Variants in THAP4 observed in about 807,000 individuals in gnomAD.
THAP4 encodes THAP domain containing 4.
THAP4 carries 18 observed loss-of-function variants against 48.1 expected under a neutral mutation model. That is an observed-to-expected ratio of 0.37 (90% confidence interval 0.26 to 0.56). THAP4 has a LOEUF of 0.56. Among genes scored for constraint, THAP4 ranks in the 20% least tolerant of loss-of-function variants. THAP4 has a pLI of 0.78. For synonymous variants in THAP4, 345 were observed against 324.9 expected (o/e 1.06, Z -0.66); for missense variants, 656 against 774.9 (o/e 0.85, Z 1.82).
rs1178589094 is a variant in THAP4, at chr2:241,616,442, G to C, written c.1241-9969C>G. Among the ~76,000 whole-genome samples the C allele has an allele frequency of 2.6e-5, 4 of 152,182 alleles. No individual in the cohort carries two copies. The East Asian group carries it at 7.7e-4, about 29-fold the overall frequency. ...ACCTGAGCAGGGGGATGGTGTCCTG[G>C]TAAGAACAGGTAGGGAGAGGCTGCC... On this transcript the variant is annotated intron_variant, in intron 2 of 5. Coordinates refer to ENST00000407315, the MANE Select transcript of THAP4 (RefSeq NM_015963.6). The surrounding 1 kb of genome is among the most constrained non-coding windows in gnomAD (Gnocchi z 4.6).
upstream of THAP4, chr2:241,637,576 T>G: frequency 6.6e-7 from 1 of 1,511,272 alleles, no homozygotes; most frequent in Non-Finnish European, 8.8e-7. Flanking sequence ...GGCTCCCGCG[T>G]ATTTCCGCTC....
At chr2:241,590,322 T>A (rs71430350) in intron 5 of THAP4, among the ~76,000 whole-genome samples, 46 of 6,250 alleles carry the variant, frequency 7.4e-3, no homozygotes, top group South Asian at 0.015. Flanking sequence ...ACTAGGACAC[T>A]CAGAGCTGCC....
chr2:241,632,639 G>C (rs558469540), intron 2 of THAP4, among the ~76,000 whole-genome samples: 2 of 152,308 alleles, frequency 1.3e-5, no homozygotes, highest in South Asian at 4.1e-4. Flanking sequence ...ACTCTCCACG[G>C]AGGCGTTCAG....
intron 5 of THAP4, among the ~76,000 whole-genome samples, chr2:241,597,529 C>T (rs890468715): frequency 6.6e-6 from 1 of 152,222 alleles, no homozygotes; most frequent in Non-Finnish European, 1.5e-5. Context: ...ATGATAAACA[C>T]TGACTTTGTA....
Position 241,625,481 on chromosome 2 carries a change from CAAAAAAA to C in THAP4, c.1240+7429_1240+7435del, listed in dbSNP as rs67920958. On this transcript the variant is annotated intron_variant, in intron 2 of 5. Coordinates refer to ENST00000407315, the MANE Select transcript of THAP4 (RefSeq NM_015963.6). Reference sequence around the variant, plus strand: ...TGGGTGACAGAGTGAGACACTGTCTCAAAAAAAAAAAAAAAAAAGGAAAAAGGAAAAA... The same window carrying C: ...TGGGTGACAGAGTGAGACACTGTCTCAAAAAAAAAAAGGAAAAAGGAAAAA... Among the ~76,000 whole-genome samples, 507 of 88,460 alleles carry C rather than the reference CAAAAAAA, an allele frequency of 5.7e-3. 8 individuals are homozygous for C. The highest frequency in any genetic ancestry group is 0.048 in the Admixed American group (376 of 7,850). 58.0% of individuals were successfully genotyped at this position (88,460 alleles called of 152,430 possible). A position where few individuals can be genotyped will look rare whatever the true frequency, so the allele number is the denominator to read the frequency against.
At position 241,636,978 on chromosome 2, in the gene THAP4, G is replaced by T; in HGVS notation, c.40C>A (p.Gln14Lys). Residue 14 changes from glutamine to lysine, a missense_variant, in exon 1 of 6, where the codon CAG becomes AAG. By Grantham distance (53) the Gln-to-Lys change is moderately conservative. Transcript: ENST00000407315. ...CCAAVNCSNR[Q>K]GKGEKRAVSF... ...ACGGCGCGCTTCTCGCCCTTTCCCT[G>T]CCGGTTGGAGCAGTTCACGGCCGCA... is the stretch of plus-strand genomic sequence containing the variant. 7.5e-7 allele frequency: 1 copy of T among 1,326,952 alleles called. No homozygotes were observed. The highest frequency in any genetic ancestry group is 9.8e-7 in the Non-Finnish European group (1 of 1,015,486). The allele number at this position is 1,326,952 out of a possible 1,614,324, so 82.2% of individuals were successfully genotyped here. A position where few individuals can be genotyped will look rare whatever the true frequency, so the allele number is the denominator to read the frequency against.
chr2:241,637,362 C>G, upstream of THAP4: 1 of 1,360,822 alleles, frequency 7.3e-7, no homozygotes, highest in Non-Finnish European at 9.6e-7. Context: ...ACGTCCGTAC[C>G]GCAAGATGGC....
At chr2:241,625,819 A>AAAAAAAAAAAAAG (rs1559233376) in intron 2 of THAP4, among the ~76,000 whole-genome samples, 1 of 140,692 alleles carries the variant, frequency 7.1e-6, no homozygotes, top group African/African-American at 2.8e-5. Context: ...AAAAAAAAAA[A>AAAAAAAAAAAAAG]AAAAAGAAAA....
In THAP4 at chr2:241,633,483, C is replaced by T; in HGVS notation, c.674G>A (p.Gly225Glu). The T allele has an allele frequency of 1.2e-6, 2 of 1,614,068 alleles. No homozygotes were observed. Among genetic ancestry groups the T allele is most frequent in the Non-Finnish European group, 1.7e-6 (2 of 1,179,982 alleles). The change falls in exon 2 of 6, where the codon GGA (glycine) becomes GAA (glutamate). Residue 225 changes from glycine (G) to glutamate (E), a missense_variant. By Grantham distance (98) the Gly-to-Glu change is moderately conservative (BLOSUM62 -2). Around this residue, in one of 4 missense-constraint regions of THAP4, gnomAD observed 391 missense variants for 412.4 expected, o/e 0.95. Transcript: ENST00000407315. This position sits in a 1 kb window ranked among gnomAD's most constrained non-coding sequence, Gnocchi z 7.5. The part of the protein sequence containing the change: ...GISMDDFTPP[G>E]SGACKFIGSL... ...GCCGATAAATTTGCACGCCCCAGATCCTGGGGGCGTAAAGTCATCCATAGA... is the reference window on the plus strand; with the variant it reads ...GCCGATAAATTTGCACGCCCCAGATTCTGGGGGCGTAAAGTCATCCATAGA...
rs185853816 is a variant in THAP4, at chr2:241,601,785, T to C, written c.1614+111A>G. On this transcript the variant is annotated intron_variant, in intron 5 of 5. Coordinates refer to ENST00000407315, the MANE Select transcript of THAP4 (RefSeq NM_015963.6). This position sits in a 1 kb window ranked among gnomAD's most constrained non-coding sequence, Gnocchi z 4.0. ...AAGAAGGAGACAGTGAAGACAGGCC[T>C]GTGAGACACAGTGGCAAGACACGCA... is the stretch of plus-strand genomic sequence containing the variant. 38 of 1,546,816 alleles carry C rather than the reference T, an allele frequency of 2.5e-5. No homozygotes were observed. Among genetic ancestry groups the C allele is most frequent in the Non-Finnish European group, 3.2e-5 (37 of 1,141,572 alleles).
intron 2 of THAP4, among the ~76,000 whole-genome samples, chr2:241,618,826 GA>G (rs142245940): frequency 0.016 from 2,277 of 145,442 alleles, 49 homozygotes; most frequent in African/African-American, 0.054. Flanking sequence ...GAAAAGCCAA[GA>G]AAAAAAAAAA....
intron 4 of THAP4, among the ~76,000 whole-genome samples, chr2:241,602,752 G>A (rs966149531): frequency 6.6e-6 from 1 of 152,210 alleles, no homozygotes; most frequent in African/African-American, 2.4e-5. Context: ...TCATGGTCAG[G>A]GGGCTGCACG....
At chr2:241,604,050 T>C (rs543960648) in intron 3 of THAP4, among the ~76,000 whole-genome samples, 1 of 151,918 alleles carries the variant, frequency 6.6e-6, no homozygotes, top group African/African-American at 2.4e-5. Flanking sequence ...ACCAACCTTA[T>C]GAGTTTCTAT....
intron 2 of THAP4, among the ~76,000 whole-genome samples, chr2:241,625,531 T>A (rs1325292113): frequency 6.9e-6 from 1 of 145,268 alleles, no homozygotes; most frequent in African/African-American, 2.6e-5. Context: ...GGTGTGTGGA[T>A]CACGCCTGTA....
chr2:241,632,801 G>A, intron 2 of THAP4, 116 bp downstream of exon 2: 1 of 773,548 alleles, frequency 1.3e-6, no homozygotes, highest in Non-Finnish European at 2.0e-6. Flanking sequence ...GCTTCCTCCT[G>A]AGAGCGCAGG....
intron 2 of THAP4, among the ~76,000 whole-genome samples, chr2:241,623,347 A>T (rs1270605755): frequency 6.6e-6 from 1 of 152,198 alleles, no homozygotes; most frequent in Non-Finnish European, 1.5e-5. Flanking sequence ...TGGGAGGCTG[A>T]GCCAGGCAGA....
Position 241,617,338 on chromosome 2 carries a change from A to G in THAP4, c.1241-10865T>C. ...TATTGAAATCTCAACCAAAACACAA[A>G]AACAAAAATTTAAATTTCCTGCAAG... On this transcript the variant is annotated intron_variant, in intron 2 of 5. Coordinates refer to ENST00000407315, the MANE Select transcript of THAP4 (RefSeq NM_015963.6). The G allele has an allele frequency of 6.8e-6, 8 of 1,176,118 alleles. No homozygotes were observed. The South Asian group carries it at 9.7e-5, about 14-fold the overall frequency. The allele number at this position is 1,176,118 out of a possible 1,614,324, so 72.9% of individuals were successfully genotyped here.
At chr2:241,617,526 G>C in intron 2 of THAP4, 2 of 1,473,722 alleles carry the variant, frequency 1.4e-6, no homozygotes, top group Non-Finnish European at 1.8e-6. Context: ...GGAAGTGAAT[G>C]CTAACTTTAA....
chr2:241,602,992 G>A lies in THAP4; in HGVS notation c.1488C>T (p.Ala496=), dbSNP rs754263813. ...IRLKPDTNKV[A]FVSAQNTGVV... ...CACCTGTGTTCTGGGCGCTGACAAA[G>A]GCCACCTTGTTGGTGTCGGGCTTGA... The change falls in exon 4 of 6, where the codon GCC becomes GCT. Residue 496 remains alanine (A), a synonymous_variant. Coordinates refer to ENST00000407315, the MANE Select transcript of THAP4 (RefSeq NM_015963.6). The A allele has an allele frequency of 5.6e-6, 9 of 1,614,028 alleles. No homozygotes were observed. The South Asian group carries it at 9.9e-5, about 18-fold the overall frequency.
Sources: allele counts gnomAD v4.1 joint callset (sites outside exome capture counted in the v4.1 genomes callset), GRCh38; gene constraint gnomAD v4.1.1; regional missense constraint gnomAD v4.1.1; non-coding constraint Gnocchi (gnomAD v3.1); transcripts MANE v1.5; gene names NCBI Gene and HGNC (gene_info 2026-07-23, HGNC 2026-07-21).